The following PDE1C variants were observed in gnomAD, a reference collection of about 807,000 sequenced individuals.
PDE1C encodes the protein dual specificity calcium/calmodulin-dependent 3',5'-cyclic nucleotide phosphodiesterase 1C.
Under a neutral mutation model 93.1 loss-of-function variants are expected in PDE1C, and 62 were observed. The observed-to-expected ratio is 0.67, with a 90% CI of 0.54 to 0.82. The LOEUF (loss-of-function observed/expected upper bound fraction) is 0.82, where lower values mean the gene tolerates loss of function less well. PDE1C is among the 40% of genes least tolerant of loss of function. The pLI is 0.00. For synonymous variants in PDE1C, 325 were observed against 310.1 expected (o/e 1.05, Z -0.50); for missense variants, 742 against 884.6 (o/e 0.84, Z 2.04).
chr7:32,148,275 A>T (rs907660461), intron 3 of PDE1C, among the ~76,000 whole-genome samples: 4 of 152,184 alleles, frequency 2.6e-5, no homozygotes, highest in Non-Finnish European at 5.9e-5. Flanking sequence ...AAGCAAAAAT[A>T]AATCAGTGAA....
intron 1 of PDE1C, among the ~76,000 whole-genome samples, chr7:32,396,288 G>A (rs1251353870): frequency 6.6e-6 from 1 of 152,078 alleles, no homozygotes; most frequent in Admixed American, 6.6e-5. Flanking sequence ...AGAGCAGCCA[G>A]GGCAACATGG....
At chr7:32,076,936 A>G (rs530302367) in intron 3 of PDE1C, among the ~76,000 whole-genome samples, 2 of 148,812 alleles carry the variant, frequency 1.3e-5, no homozygotes, top group South Asian at 4.2e-4. Flanking sequence ...TGTTGTAAGG[A>G]GAAAAAAAAA....
chr7:31,775,906 C>T (rs2128630629), intron 16 of PDE1C, among the ~76,000 whole-genome samples, 174 bp from the exon 17 acceptor site: 1 of 152,244 alleles, frequency 6.6e-6, no homozygotes, highest in Middle Eastern at 3.4e-3. Flanking sequence ...CTGGGAGCAT[C>T]GCCTTTGCCT....
intron 12 of PDE1C, among the ~76,000 whole-genome samples, chr7:31,826,572 T>C (rs576957573): frequency 1.3e-5 from 2 of 152,132 alleles, no homozygotes; most frequent in Non-Finnish European, 2.9e-5. Context: ...CCTTTGTAAA[T>C]GGGATCATGG....
intron 1 of PDE1C, among the ~76,000 whole-genome samples, chr7:32,408,971 G>A (rs1397076492): frequency 1.3e-5 from 2 of 152,092 alleles, no homozygotes; most frequent in Non-Finnish European, 2.9e-5. Context: ...TCAGAACACT[G>A]CCTCCTGAAA....
intron 2 of PDE1C, among the ~76,000 whole-genome samples, chr7:32,000,130 G>A (rs949508461): frequency 2.6e-5 from 4 of 152,170 alleles, no homozygotes; most frequent in South Asian, 2.1e-4. Context: ...TTATGGTGAC[G>A]TCCGGCAGTA....
At chr7:32,399,859 C>T (rs141027321) in intron 1 of PDE1C, among the ~76,000 whole-genome samples, 5 of 152,290 alleles carry the variant, frequency 3.3e-5, no homozygotes, top group African/African-American at 1.2e-4. Context: ...GCTAGGATTA[C>T]AGGCATGAGC....
the PDE1C span, among the ~76,000 whole-genome samples, chr7:31,667,583 A>T: frequency 1.3e-5 from 2 of 152,168 alleles, no homozygotes; most frequent in Non-Finnish European, 2.9e-5. Flanking sequence ...CCTTGCTTTC[A>T]TATGGTTCAC....
At chr7:32,230,049 G>A (rs953164396) in intron 1 of PDE1C, among the ~76,000 whole-genome samples, 12 of 152,262 alleles carry the variant, frequency 7.9e-5, no homozygotes, top group East Asian at 1.9e-4. Context: ...AAGCCTCTCC[G>A]GAATAGAAAA....
At position 32,199,989 on chromosome 7, in the gene PDE1C, G is replaced by A. The variant is rs542110644; in HGVS notation, c.136+9500C>T. Among the ~76,000 whole-genome samples, 5 of 152,236 alleles carry A rather than the reference G, an allele frequency of 3.3e-5. No homozygotes were observed. The South Asian group carries it at 8.3e-4, about 25-fold the overall frequency. ...TATGTGTTTAAGATATATATGAAAC[G>A]CAAATGAATTTTGTGTTTAGGCCTA... On this transcript the variant is annotated intron_variant, in intron 2 of 18. Coordinates refer to the PDE1C transcript ENST00000396193.
chr7:31,808,259 G>A, intron 16 of PDE1C: 2 of 409,682 alleles, frequency 4.9e-6, no homozygotes, highest in Non-Finnish European at 9.3e-6. Context: ...AGAGAGTCTG[G>A]GATTCTCTCA....
At chr7:32,053,956 G>A (rs1188652078) in intron 1 of PDE1C, among the ~76,000 whole-genome samples, 4 of 151,870 alleles carry the variant, frequency 2.6e-5, no homozygotes, top group African/African-American at 9.7e-5. Flanking sequence ...AATGTCAGCA[G>A]GAAGAAATAT....
At chr7:31,773,255 C>G (rs1025297109) in intron 17 of PDE1C, among the ~76,000 whole-genome samples, 1 of 152,110 alleles carries the variant, frequency 6.6e-6, no homozygotes, top group African/African-American at 2.4e-5. Flanking sequence ...TTTGGAGATG[C>G]TCAGAATGCA....
intron 2 of PDE1C, among the ~76,000 whole-genome samples, chr7:32,003,847 T>C (rs1785800161): frequency 6.6e-6 from 1 of 152,194 alleles, no homozygotes; most frequent in South Asian, 2.1e-4. Flanking sequence ...TTTACTCTTA[T>C]GGGGTTTAAT....
intron 2 of PDE1C, among the ~76,000 whole-genome samples, chr7:31,994,195 T>C (rs1042834784): frequency 2.0e-5 from 3 of 152,190 alleles, no homozygotes; most frequent in Non-Finnish European, 2.9e-5. Context: ...ATATGCTATA[T>C]CTAATTTTAT....
At chr7:31,808,948 A>G in intron 16 of PDE1C, 83 bp downstream of exon 16, 1 of 767,542 alleles carries the variant, frequency 1.3e-6, no homozygotes, top group Non-Finnish European at 2.3e-6. Flanking sequence ...CACAACCACT[A>G]TTTCAATTTT....
At chr7:31,621,001 G>T in the PDE1C span, among the ~76,000 whole-genome samples, 1 of 151,920 alleles carries the variant, frequency 6.6e-6, no homozygotes, top group Non-Finnish European at 1.5e-5. Flanking sequence ...GGAAGAAAGG[G>T]TATCAGTGAT....
rs529117978 is a variant in PDE1C, at chr7:32,201,204, C to A, written c.136+8285G>T. ...TTTTAAAACATTTCACTCAGCATTT[C>A]TATGTGCTTGTAAAAAATGAGAAGG... On this transcript the variant is annotated intron_variant, in intron 2 of 18. Transcript: ENST00000396193. Among the ~76,000 whole-genome samples, 5 of 152,308 alleles carry A rather than the reference C, an allele frequency of 3.3e-5. No homozygotes were observed. In the South Asian group the frequency reaches 1.0e-3, roughly 32 times the overall value.
the PDE1C span, among the ~76,000 whole-genome samples, chr7:31,745,158 C>A: frequency 6.6e-6 from 1 of 152,128 alleles, no homozygotes; most frequent in Non-Finnish European, 1.5e-5. Flanking sequence ...AATGAAAACT[C>A]CAGTGGGTTG....
Sources: gnomAD v4.1 joint callset for allele counts (sites outside exome capture counted in the v4.1 genomes callset) on GRCh38, gnomAD v4.1.1 for gene constraint, MANE v1.5 for transcripts, NCBI Gene and HGNC (gene_info 2026-07-23, HGNC 2026-07-21) for gene names.